COL25A1: variants seen among roughly 807,000 people sequenced by gnomAD.
COL25A1 encodes the protein collagen alpha-1(XXV) chain.
A neutral mutation model predicts 128.4 loss-of-function variants in COL25A1; 103 were observed. That is an observed-to-expected ratio of 0.80 (90% CI 0.68 to 0.94). COL25A1 has a LOEUF of 0.94. Ranked by LOEUF, COL25A1 falls within the 40% of genes least tolerant of loss-of-function variation. The probability of loss-of-function intolerance (pLI) is 0.00; values close to 1 mark genes in which losing one functional copy is unlikely to be tolerated. For missense variants in COL25A1, 745 were observed against 840.0 expected, an observed-to-expected ratio of 0.89 and a Z score of 1.40; for synonymous variants, 279 against 277.2, an observed-to-expected ratio of 1.01 and a Z score of -0.06.
intron 6 of COL25A1, among the ~76,000 whole-genome samples, chr4:109,005,322 T>G (rs4131960): frequency 0.8 from 121,282 of 152,094 alleles, 49,452 homozygotes; most frequent in East Asian, 1. Flanking sequence ...ATTCATGAAA[T>G]ATTCACCCCT....
chr4:109,060,297 AAG>A (rs1761844074), intron 3 of COL25A1, among the ~76,000 whole-genome samples: 3 of 152,150 alleles, frequency 2.0e-5, no homozygotes, highest in Non-Finnish European at 2.9e-5. Flanking sequence ...TCTGGGAAGA[AAG>A]AGCAACCTCT....
intron 3 of COL25A1, among the ~76,000 whole-genome samples, chr4:109,243,612 G>A (rs1167343600): frequency 6.6e-6 from 1 of 152,000 alleles, no homozygotes; most frequent in Non-Finnish European, 1.5e-5. Flanking sequence ...TTCTTAACAT[G>A]TTTGATCAGT....
intron 3 of COL25A1, among the ~76,000 whole-genome samples, chr4:109,083,649 A>T (rs983595203): frequency 1.3e-5 from 2 of 151,732 alleles, no homozygotes; most frequent in Non-Finnish European, 2.9e-5. Context: ...TTTTTAGTAG[A>T]GACGGGGTTT....
At chr4:108,870,997 T>C (rs1738641810) in intron 19 of COL25A1, among the ~76,000 whole-genome samples, 1 of 152,118 alleles carries the variant, frequency 6.6e-6, no homozygotes, top group African/African-American at 2.4e-5. Flanking sequence ...AAAACATATT[T>C]CTTATACATA....
At chr4:108,970,688 T>G (rs1751820775) in intron 8 of COL25A1, among the ~76,000 whole-genome samples, 1 of 152,186 alleles carries the variant, frequency 6.6e-6, no homozygotes, top group Admixed American at 6.5e-5. Flanking sequence ...TTTGTATCCT[T>G]TGACCAACAT....
At chr4:109,285,252 G>A (rs576801470) in intron 3 of COL25A1, among the ~76,000 whole-genome samples, 2 of 152,276 alleles carry the variant, frequency 1.3e-5, no homozygotes, top group Admixed American at 1.3e-4. Flanking sequence ...TTTTTATGAT[G>A]TAGAGCAAGA....
At chr4:109,089,041 G>A (rs889602401) in intron 3 of COL25A1, among the ~76,000 whole-genome samples, 5 of 152,200 alleles carry the variant, frequency 3.3e-5, no homozygotes, top group African/African-American at 1.2e-4. Flanking sequence ...AAATGAAAAA[G>A]GGGCTTCACC....
chr4:109,142,572 C>T (rs1444051434), intron 3 of COL25A1, among the ~76,000 whole-genome samples: 2 of 151,808 alleles, frequency 1.3e-5, no homozygotes, highest in South Asian at 2.1e-4. Flanking sequence ...TCTCTAAGAA[C>T]TTACTTTATG....
At chr4:109,019,473 T>G (rs1179937987) in intron 5 of COL25A1, among the ~76,000 whole-genome samples, 2 of 150,110 alleles carry the variant, frequency 1.3e-5, no homozygotes, top group Non-Finnish European at 3.0e-5. Context: ...AGAAAAAAAG[T>G]TTAATCAGCT....
intron 3 of COL25A1, among the ~76,000 whole-genome samples, chr4:109,153,953 C>T (rs1771786664): frequency 6.6e-6 from 1 of 152,114 alleles, no homozygotes; most frequent in Admixed American, 6.5e-5. Context: ...GGGGGGTCTG[C>T]CTGACTGTAC....
At chr4:109,055,942 G>A (rs937890737) in intron 3 of COL25A1, among the ~76,000 whole-genome samples, 3 of 152,076 alleles carry the variant, frequency 2.0e-5, no homozygotes, top group African/African-American at 7.2e-5. Context: ...ATAACACAGG[G>A]TTGTTTGTTT....
At chr4:109,185,618 T>C (rs1421312791) in intron 3 of COL25A1, among the ~76,000 whole-genome samples, 1 of 152,224 alleles carries the variant, frequency 6.6e-6, no homozygotes, top group African/African-American at 2.4e-5. Flanking sequence ...CCCATTCAAA[T>C]GCTAAATCCC....
intron 16 of COL25A1, among the ~76,000 whole-genome samples, chr4:108,895,801 A>G (rs1742050229): frequency 6.6e-6 from 1 of 151,952 alleles, no homozygotes; most frequent in Non-Finnish European, 1.5e-5. Flanking sequence ...GCGAGTTCCG[A>G]GATTTTGGTG....
chr4:109,272,171 G>T (rs950611648), intron 3 of COL25A1, among the ~76,000 whole-genome samples: 2 of 152,100 alleles, frequency 1.3e-5, no homozygotes, highest in Non-Finnish European at 2.9e-5. Flanking sequence ...GAGAGGTCAA[G>T]GCTGCGATGA....
chr4:108,871,687 C>T (rs966930164), intron 19 of COL25A1, among the ~76,000 whole-genome samples: 2 of 152,174 alleles, frequency 1.3e-5, no homozygotes, highest in Admixed American at 6.5e-5. Flanking sequence ...AAAGTATCTA[C>T]CGTATCTATA....
intron 5 of COL25A1, among the ~76,000 whole-genome samples, chr4:109,029,531 CTATTT>C (rs1460190102): frequency 1.3e-5 from 2 of 151,956 alleles, no homozygotes; most frequent in Non-Finnish European, 2.9e-5. Flanking sequence ...TATAATTGTT[CTATTT>C]TATTATTGTT....
intron 3 of COL25A1, among the ~76,000 whole-genome samples, chr4:109,088,187 A>G (rs1010384191): frequency 3.9e-5 from 6 of 152,112 alleles, no homozygotes; most frequent in Non-Finnish European, 7.4e-5. Flanking sequence ...AGCACTTGAG[A>G]AAGTTGATAC....
chr4:108,839,778 GAATT>G (rs1309357878), intron 31 of COL25A1, among the ~76,000 whole-genome samples: 1 of 152,282 alleles, frequency 6.6e-6, no homozygotes, highest in African/African-American at 2.4e-5. Flanking sequence ...ATTTAAGTAA[GAATT>G]AAGTTGTATG....
chr4:108,888,265 T>C (rs1265273230), intron 18 of COL25A1, among the ~76,000 whole-genome samples: 2 of 152,158 alleles, frequency 1.3e-5, no homozygotes, highest in Admixed American at 6.6e-5. Context: ...TTGGAAACCT[T>C]ATTTTACTAC....
Sources: allele counts gnomAD v4.1 joint callset (sites outside exome capture counted in the v4.1 genomes callset), GRCh38; gene constraint gnomAD v4.1.1; transcripts MANE v1.5; gene names NCBI Gene and HGNC (gene_info 2026-07-23, HGNC 2026-07-21).